PCID2: variants seen among roughly 807,000 people sequenced by gnomAD.
The protein encoded by PCID2 is PCI domain-containing protein 2.
In PCID2, 41 loss-of-function variants were observed where a neutral mutation model predicts 61.3. The observed-to-expected ratio is 0.67, with a 90% CI of 0.52 to 0.87. The LOEUF is 0.87. PCID2 is among the 40% of genes least tolerant of loss of function. The pLI, the probability that PCID2 is intolerant of heterozygous loss-of-function variation, is 0.00. For synonymous variants in PCID2, 187 were observed against 177.8 expected (o/e 1.05, Z -0.41); for missense variants, 392 against 493.4 (o/e 0.79, Z 1.95).
chr13:113,208,061 G>A (rs1325868819), intron 1 of PCID2: 17 of 1,612,850 alleles, frequency 1.1e-5, no homozygotes, highest in Non-Finnish European at 1.4e-5. Context: ...CATGTACCGA[G>A]CGATATGAAG....
chr13:113,175,289 A>G (rs953824194), downstream of PCID2, among the ~76,000 whole-genome samples: 7 of 152,226 alleles, frequency 4.6e-5, no homozygotes, highest in Non-Finnish European at 1.0e-4. Context: ...ATCGCTAAGA[A>G]TAACCATCCA....
chr13:113,189,494 T>A (rs1367890052), intron 7 of PCID2, among the ~76,000 whole-genome samples: 1 of 152,196 alleles, frequency 6.6e-6, no homozygotes, highest in East Asian at 1.9e-4. Flanking sequence ...TTTTTGTTTA[T>A]TTATATATGG....
intron 13 of PCID2, 48 bp from the exon 14 acceptor site, chr13:113,178,335 C>A: frequency 7.2e-7 from 1 of 1,386,180 alleles, no homozygotes; most frequent in South Asian, 1.2e-5. Flanking sequence ...GGATCTGAGT[C>A]ATGTCAAAGA....
intron 1 of PCID2, chr13:113,200,803 TG>T (rs1249011939): frequency 1.1e-5 from 3 of 277,608 alleles, no homozygotes; most frequent in Admixed American, 1.0e-4. Context: ...CAAAATAGGT[TG>T]TTCCTGGCTG....
At chr13:113,175,017 G>C (rs139615567), downstream of PCID2, among the ~76,000 whole-genome samples, 46 of 152,302 alleles carry the variant, frequency 3.0e-4, no homozygotes, top group East Asian at 8.7e-3. Flanking sequence ...CCCCCACGCT[G>C]TTCTCGTGAC....
At chr13:113,176,526 C>A, downstream of PCID2, among the ~76,000 whole-genome samples, 1 of 152,290 alleles carries the variant, frequency 6.6e-6, no homozygotes, top group Non-Finnish European at 1.5e-5. Context: ...CTTTGGGAGG[C>A]CGAGGTGGGG....
At chr13:113,200,985 CAGT>C (rs1257636395) in intron 1 of PCID2, among the ~76,000 whole-genome samples, 1 of 152,214 alleles carries the variant, frequency 6.6e-6, no homozygotes, top group African/African-American at 2.4e-5. Context: ...AAAAATAAGT[CAGT>C]GGTTTATCAT....
chr13:113,181,729 A>T lies in PCID2; in HGVS notation c.686-499T>A, dbSNP rs1250294379. On this transcript the variant is annotated intron_variant, in intron 9 of 13. Transcript: ENST00000337344. ...ATTTTAAATGACCACATGCTTTAAA[A>T]AATTAACTTATTATTACTAACACAC... Among the ~76,000 whole-genome samples, 4 of 152,370 alleles carry T rather than the reference A, an allele frequency of 2.6e-5. No individual in the cohort carries two copies. The East Asian group carries it at 5.8e-4, about 22-fold the overall frequency.
At chr13:113,191,974 G>A (rs2038657153) in intron 6 of PCID2, among the ~76,000 whole-genome samples, 2 of 152,172 alleles carry the variant, frequency 1.3e-5, no homozygotes, top group African/African-American at 4.8e-5. Context: ...TGTCCTCGAT[G>A]AGCCAAGCAC....
At chr13:113,170,623 C>G in the PCID2 span, 1 of 819,482 alleles carries the variant, frequency 1.2e-6, no homozygotes, top group Admixed American at 1.8e-5. Flanking sequence ...TGGACTGTTT[C>G]TAATGCAACA....
In PCID2 at chr13:113,178,246, C is replaced by T; in HGVS notation, c.1152G>A (p.Leu384=). The change falls in exon 14 of 14, where the codon CTG becomes CTA. Residue 384 remains leucine (L), a synonymous_variant. Transcript: ENST00000337344. Reference sequence around the variant, plus strand: ...GAAATGGGTTCTGCTTGCTGACCACCAGCTTCTGATGCTGATGCGATATGT... The same window carrying T: ...GAAATGGGTTCTGCTTGCTGACCACTAGCTTCTGATGCTGATGCGATATGT... The part of the protein sequence containing the change: ...KGYISHQHQK[L]VVSKQNPFPP... The T allele has an allele frequency of 1.9e-6, 3 of 1,613,896 alleles. No homozygotes were observed. The highest frequency in any genetic ancestry group is 2.5e-6 in the Non-Finnish European group (3 of 1,179,830).
rs1242769718 is a variant in PCID2, at chr13:113,179,309, A to C, written c.987-220T>G. Among the ~76,000 whole-genome samples the C allele has an allele frequency of 2.0e-5, 3 of 152,174 alleles. No individual in the cohort carries two copies. Among genetic ancestry groups the C allele is most frequent in the Non-Finnish European group, 4.4e-5 (3 of 68,038 alleles). On this transcript the variant is annotated intron_variant, in intron 12 of 13. Coordinates refer to ENST00000337344, the MANE Select transcript of PCID2 (RefSeq NM_001127202.4). The surrounding 1 kb of genome is among the most constrained non-coding windows in gnomAD (Gnocchi z 4.3). ...AAACACAATTTTTAATTATTTTCTAAGTATTTCATTAAGGTTCGGTTTTTT... is the reference window on the plus strand; with the variant it reads ...AAACACAATTTTTAATTATTTTCTACGTATTTCATTAAGGTTCGGTTTTTT...
chr13:113,181,128 A>G lies in PCID2; in HGVS notation c.786+2T>C. 1 of 1,575,326 alleles carries G rather than the reference A, an allele frequency of 6.3e-7. No homozygotes were observed. The highest frequency in any genetic ancestry group is 2.2e-5 in the East Asian group (1 of 44,714). On this transcript the variant is annotated splice_donor_variant, in intron 10 of 13. Transcript: ENST00000337344. LOFTEE classifies it high-confidence loss of function. ...TATAAACATGGAGTAATAATCACTCACCAATAGCATTTTTACTGGAAGCAA... is the reference window on the plus strand; with the variant it reads ...TATAAACATGGAGTAATAATCACTCGCCAATAGCATTTTTACTGGAAGCAA...
chr13:113,179,913 T>A lies in PCID2; in HGVS notation c.986+4A>T, dbSNP rs369147602. 5.0e-6 allele frequency: 8 copies of A among 1,611,472 alleles called. No individual in the cohort carries two copies. In the African/African-American group the frequency reaches 1.1e-4, roughly 22 times the overall value. Reference sequence around the variant, plus strand: ...GGAGCCCAATGTGCCGGGGAAATGCTTACACTTTCTTAAAGAGGTTCCTGT... The same window carrying A: ...GGAGCCCAATGTGCCGGGGAAATGCATACACTTTCTTAAAGAGGTTCCTGT... On this transcript the variant is annotated splice_donor_region_variant and intron_variant, in intron 12 of 13. Coordinates refer to ENST00000337344, the MANE Select transcript of PCID2 (RefSeq NM_001127202.4). The surrounding 1 kb of genome is among the most constrained non-coding windows in gnomAD (Gnocchi z 4.3).
At chr13:113,170,509 AG>A in the PCID2 span, 249 of 1,587,028 alleles carry the variant, frequency 1.6e-4, 1 homozygote, top group Non-Finnish European at 2.3e-5. Flanking sequence ...ACTGTTACAC[AG>A]GAATATTACT....
chr13:113,178,448 C>A, intron 13 of PCID2, 161 bp from the exon 14 acceptor site: 1 of 550,182 alleles, frequency 1.8e-6, no homozygotes, highest in African/African-American at 1.9e-5. Context: ...AATCAACCCT[C>A]TATATCCACG....
intron 7 of PCID2, chr13:113,190,582 G>A (rs2038528750): frequency 7.4e-6 from 2 of 268,690 alleles, no homozygotes; most frequent in Non-Finnish European, 1.4e-5. Flanking sequence ...CGCAAATGTG[G>A]AAGAAAGTGC....
intron 1 of PCID2, chr13:113,200,747 C>A (rs1230160453): frequency 6.2e-6 from 2 of 323,534 alleles, no homozygotes; most frequent in Non-Finnish European, 1.1e-5. Flanking sequence ...TCGCCCAGGT[C>A]GGACTGCGGA....
chr13:113,172,429 C>T, the PCID2 span: 1 of 378,688 alleles, frequency 2.6e-6, no homozygotes, highest in Non-Finnish European at 5.0e-6. Flanking sequence ...GTCCAGTGTT[C>T]CCTGTGCTCA....
Sources: allele counts gnomAD v4.1 joint callset (sites outside exome capture counted in the v4.1 genomes callset), GRCh38; gene constraint gnomAD v4.1.1; non-coding constraint Gnocchi (gnomAD v3.1); transcripts MANE v1.5; gene names NCBI Gene and HGNC (gene_info 2026-07-23, HGNC 2026-07-21).